The following TACR1 variants were observed in gnomAD, a reference collection of about 807,000 sequenced individuals.
TACR1 encodes the protein tachykinin receptor 1, also known as substance-P receptor.
A neutral mutation model predicts 35.8 loss-of-function variants in TACR1; 25 were observed. That is an observed-to-expected ratio of 0.70 (90% confidence interval 0.51 to 0.98). The LOEUF is 0.98. TACR1 is among the 50% of genes least tolerant of loss of function. The pLI, the probability that TACR1 is intolerant of heterozygous loss-of-function variation, is 0.00. For missense variants in TACR1, 478 were observed against 522.9 expected (o/e 0.91, Z 0.84); for synonymous variants, 195 against 206.7 (o/e 0.94, Z 0.48).
intron 1 of TACR1, among the ~76,000 whole-genome samples, chr2:75,130,046 C>T (rs1279895638): frequency 6.6e-6 from 1 of 152,110 alleles, no homozygotes; most frequent in Non-Finnish European, 1.5e-5. Context: ...AATTAAATCC[C>T]GTCTTTATTT....
intron 1 of TACR1, among the ~76,000 whole-genome samples, chr2:75,144,770 A>G (rs1222970850): frequency 3.9e-5 from 6 of 152,356 alleles, no homozygotes; most frequent in African/African-American, 1.4e-4. Context: ...TATCTTATAA[A>G]TTTGTGAATT....
chr2:75,134,291 C>G (rs1674236559), intron 1 of TACR1, among the ~76,000 whole-genome samples: 2 of 152,154 alleles, frequency 1.3e-5, no homozygotes, highest in Admixed American at 1.3e-4. Context: ...GATCGGGATG[C>G]CTTTCTGGTA....
At chr2:75,080,404 T>A (rs1043844588) in intron 2 of TACR1, among the ~76,000 whole-genome samples, 7 of 152,200 alleles carry the variant, frequency 4.6e-5, no homozygotes, top group Admixed American at 4.6e-4. Context: ...GCCATTGGTA[T>A]GCTCAAAAAT....
chr2:75,079,206 C>T (rs1158017439), intron 2 of TACR1, among the ~76,000 whole-genome samples: 1 of 152,180 alleles, frequency 6.6e-6, no homozygotes, highest in Non-Finnish European at 1.5e-5. Context: ...TCCCATGCCT[C>T]TTCCATGTGA....
intron 4 of TACR1, among the ~76,000 whole-genome samples, chr2:75,050,618 A>G (rs1672445258): frequency 6.6e-6 from 1 of 152,166 alleles, no homozygotes; most frequent in African/African-American, 2.4e-5. Flanking sequence ...CTTCTCTGAC[A>G]TTGGCTTCTG....
chr2:75,078,962 G>A (rs1467742000), intron 2 of TACR1, among the ~76,000 whole-genome samples: 1 of 152,050 alleles, frequency 6.6e-6, no homozygotes, highest in Non-Finnish European at 1.5e-5. Context: ...ATATTCTCAA[G>A]TTCAGGTAAA....
chr2:75,146,978 C>G (rs1241139613), intron 1 of TACR1, among the ~76,000 whole-genome samples: 1 of 152,178 alleles, frequency 6.6e-6, no homozygotes, highest in Non-Finnish European at 1.5e-5. Context: ...AACACAGAAA[C>G]ACAATCTGCT....
chr2:75,135,196 C>A (rs536164544), intron 1 of TACR1, among the ~76,000 whole-genome samples: 2 of 152,294 alleles, frequency 1.3e-5, no homozygotes, highest in African/African-American at 4.8e-5. Flanking sequence ...ATATCTCTTT[C>A]CCTCTCCCTA....
At chr2:75,070,215 ATG>A (rs1558542445) in intron 2 of TACR1, among the ~76,000 whole-genome samples, 2 of 92,926 alleles carry the variant, frequency 2.2e-5, no homozygotes. Flanking sequence ...CCAACATTGT[ATG>A]TATGTGTGTG....
chr2:75,131,378 G>A (rs1345804804), intron 1 of TACR1, among the ~76,000 whole-genome samples: 3 of 151,924 alleles, frequency 2.0e-5, no homozygotes, highest in Admixed American at 6.6e-5. Context: ...GTGAGCCCCC[G>A]CACCCTGCCA....
chr2:75,113,440 G>A (rs2103892407), intron 2 of TACR1, among the ~76,000 whole-genome samples: 1 of 150,804 alleles, frequency 6.6e-6, no homozygotes, highest in Non-Finnish European at 1.5e-5. Flanking sequence ...TCTGCACAAT[G>A]TCTACCAGAA....
At chr2:75,175,981 C>T (rs1272521016) in intron 1 of TACR1, among the ~76,000 whole-genome samples, 2 of 128,042 alleles carry the variant, frequency 1.6e-5, no homozygotes, top group East Asian at 2.3e-4. Flanking sequence ...ACATTACTGA[C>T]TGTAGCATGG....
intron 2 of TACR1, among the ~76,000 whole-genome samples, chr2:75,055,291 CAA>C (rs957619233): frequency 3.3e-5 from 5 of 152,194 alleles, no homozygotes; most frequent in Non-Finnish European, 7.3e-5. Context: ...TGAAGATACT[CAA>C]AGACTGCTTA....
At chr2:75,126,286 A>G (rs987945683) in intron 1 of TACR1, among the ~76,000 whole-genome samples, 1 of 152,220 alleles carries the variant, frequency 6.6e-6, no homozygotes, top group Non-Finnish European at 1.5e-5. Flanking sequence ...TATATATAGT[A>G]TTCCATGGTG....
intron 2 of TACR1, among the ~76,000 whole-genome samples, chr2:75,069,381 T>A (rs1435634965): frequency 1.3e-5 from 2 of 151,904 alleles, no homozygotes; most frequent in Non-Finnish European, 2.9e-5. Context: ...ATGACAATTT[T>A]ATTTTAGAAT....
chr2:75,106,737 A>T lies in TACR1; in HGVS notation c.584+13837T>A, dbSNP rs186979382. Among the ~76,000 whole-genome samples, 721 of 152,084 alleles carry T rather than the reference A, an allele frequency of 4.7e-3. 3 individuals carry two copies. Among genetic ancestry groups the T allele is most frequent in the African/African-American group, 0.015 (617 of 41,564 alleles). On this transcript the variant is annotated intron_variant, in intron 2 of 4. Transcript: ENST00000305249. ...AGCTATGGAAGTAGGGAATATTTTTAAAAAAACTTTAGGATAACTATTTAT... is the reference window on the plus strand; with the variant it reads ...AGCTATGGAAGTAGGGAATATTTTTTAAAAAACTTTAGGATAACTATTTAT...
rs116840384 is a variant in TACR1, at chr2:75,186,405, T to C, written c.389+12141A>G. On this transcript the variant is annotated intron_variant, in intron 1 of 4. Coordinates refer to ENST00000305249, the MANE Select transcript of TACR1 (RefSeq NM_001058.4). The stretch of plus-strand genomic sequence containing the variant: ...AAAAAAAAAAAAAGAAAGAAAGTCT[T>C]GGCATGAAATAATTCCTAAGAATTG... Among the ~76,000 whole-genome samples the C allele has an allele frequency of 4.3e-3, 653 of 150,780 alleles. 3 individuals are homozygous for C. The highest frequency in any genetic ancestry group is 0.015 in the African/African-American group (629 of 41,190).
Position 75,154,410 on chromosome 2 carries a change from G to GCGTGCGCGCGCGCA in TACR1, c.390-33643_390-33642insTGCGCGCGCGCACG, listed in dbSNP as rs1166779798. 8 of 75,416 alleles carry GCGTGCGCGCGCGCA rather than the reference G, an allele frequency of 1.1e-4. 1 individual carries two copies. The highest frequency in any genetic ancestry group is 3.9e-4 in the African/African-American group (8 of 20,472). 4.7% of individuals were successfully genotyped at this position (75,416 alleles called of 1,614,324 possible). On this transcript the variant is annotated intron_variant, in intron 1 of 4. Coordinates refer to ENST00000305249, the MANE Select transcript of TACR1 (RefSeq NM_001058.4). The stretch of plus-strand genomic sequence containing the variant: ...GAGATAATCAGCCAAGAGCGCGCAC[G>GCGTGCGCGCGCGCA]CACACACACACACACACACACACAC...
intron 2 of TACR1, among the ~76,000 whole-genome samples, chr2:75,097,905 T>A (rs746356904): frequency 2.0e-5 from 3 of 152,144 alleles, no homozygotes; most frequent in Non-Finnish European, 2.9e-5. Flanking sequence ...AAGAAAAACA[T>A]CCCCAGTTTG....
Sources: gnomAD v4.1 joint callset for allele counts (sites outside exome capture counted in the v4.1 genomes callset) on GRCh38, gnomAD v4.1.1 for gene constraint, MANE v1.5 for transcripts, NCBI Gene and HGNC (gene_info 2026-07-23, HGNC 2026-07-21) for gene names.